PMFBP1: variants seen among roughly 807,000 people sequenced by gnomAD.
PMFBP1 encodes polyamine modulated factor 1 binding protein 1, also known as polyamine-modulated factor 1-binding protein 1.
A neutral mutation model predicts 137.8 loss-of-function variants in PMFBP1; 131 were observed. The ratio of observed to expected loss-of-function variants is 0.95; its 90% CI spans 0.82 to 1.10. The LOEUF (loss-of-function observed/expected upper bound fraction) is 1.10. Among genes scored for constraint, PMFBP1 ranks in the 50% least tolerant of loss-of-function variants. PMFBP1 has a pLI of 0.00. For missense variants in PMFBP1, 1,199 were observed against 1,175.4 expected (o/e 1.02, Z -0.29); for synonymous variants, 490 against 450.4 (o/e 1.09, Z -1.11).
the PMFBP1 span, among the ~76,000 whole-genome samples, chr16:72,233,621 G>C: frequency 6.6e-6 from 1 of 152,070 alleles, no homozygotes; most frequent in Non-Finnish European, 1.5e-5. Flanking sequence ...ACAATTCAAT[G>C]ATTTGTGGTA....
chr16:72,119,211 A>C lies in PMFBP1; in HGVS notation c.*127T>G. On this transcript the variant is annotated 3_prime_UTR_variant, in exon 21 of 21. Transcript: ENST00000237353. ...AACTCAACAAAAGTTAGTGTCTTGC[A>C]AAATAGGCTGGGACCGTGATATACT... 8.8e-7 allele frequency: 1 copy of C among 1,132,980 alleles called. No individual in the cohort carries two copies. Among genetic ancestry groups the C allele is most frequent in the South Asian group, 1.4e-5 (1 of 74,028 alleles). The allele number at this position is 1,132,980 out of a possible 1,614,324, so 70.2% of individuals were successfully genotyped here.
chr16:72,218,413 C>T, the PMFBP1 span, among the ~76,000 whole-genome samples: 1 of 151,992 alleles, frequency 6.6e-6, no homozygotes, highest in African/African-American at 2.4e-5. Context: ...CTGCAACCTC[C>T]ACTCCCTGGG....
chr16:72,122,688 A>C (rs1459349064), intron 19 of PMFBP1, among the ~76,000 whole-genome samples: 1 of 152,226 alleles, frequency 6.6e-6, no homozygotes, highest in East Asian at 1.9e-4. Flanking sequence ...GAGCAAAAAG[A>C]CTACTAAACT....
the PMFBP1 span, among the ~76,000 whole-genome samples, chr16:72,196,147 A>G: frequency 1.3e-5 from 2 of 152,164 alleles, no homozygotes; most frequent in Non-Finnish European, 2.9e-5. Flanking sequence ...TCCACCTTAC[A>G]TGAATGCTCT....
intron 2 of PMFBP1, among the ~76,000 whole-genome samples, chr16:72,167,172 G>T (rs981331791): frequency 1.3e-5 from 2 of 152,332 alleles, no homozygotes; most frequent in Non-Finnish European, 2.9e-5. Flanking sequence ...GGCCGAGGGG[G>T]GCCGGAGGAC....
At chr16:72,209,969 G>T in the PMFBP1 span, among the ~76,000 whole-genome samples, 2 of 152,192 alleles carry the variant, frequency 1.3e-5, no homozygotes, top group African/African-American at 4.8e-5. Flanking sequence ...ACTGGCTCTG[G>T]TCCTTCCATT....
chr16:72,207,133 A>T, the PMFBP1 span, among the ~76,000 whole-genome samples: 1 of 152,152 alleles, frequency 6.6e-6, no homozygotes, highest in Non-Finnish European at 1.5e-5. Context: ...GACAGATGGG[A>T]TGAACTAATG....
At chr16:72,187,767 G>GT in the PMFBP1 span, among the ~76,000 whole-genome samples, 1 of 152,214 alleles carries the variant, frequency 6.6e-6, no homozygotes, top group East Asian at 1.9e-4. Flanking sequence ...GAAATTGGCT[G>GT]TTAATAGAGT....
At chr16:72,144,609 A>G (rs2042776831) in intron 5 of PMFBP1, among the ~76,000 whole-genome samples, 1 of 152,198 alleles carries the variant, frequency 6.6e-6, no homozygotes, top group Non-Finnish European at 1.5e-5. Context: ...TATAAAATAT[A>G]TATTCCAGAT....
chr16:72,123,628 A>G lies in PMFBP1; in HGVS notation c.2611T>C (p.Ser871Pro). 6.2e-7 allele frequency: 1 copy of G among 1,613,926 alleles called. No individual in the cohort carries two copies. Among genetic ancestry groups the G allele is most frequent in the Non-Finnish European group, 8.5e-7 (1 of 1,179,864 alleles). The stretch of plus-strand genomic sequence containing the variant: ...AGCCTACAGGTGTCTTTGGGCACAG[A>G]CCACTGGGGCAGGCAGCAGGGCTTG... ...DKEPCCLPQW[S>P]VPKDTCRLYR... The change falls in exon 18 of 21, where the codon TCT becomes CCT. Residue 871 changes from serine (S) to proline (P), a missense_variant. Coordinates refer to ENST00000237353, the MANE Select transcript of PMFBP1 (RefSeq NM_031293.3).
chr16:72,163,786 T>A (rs1462374658), intron 3 of PMFBP1, among the ~76,000 whole-genome samples: 7 of 152,164 alleles, frequency 4.6e-5, no homozygotes, highest in African/African-American at 9.7e-5. Context: ...CTGGATGGAA[T>A]TGGAGACTAT....
the PMFBP1 span, among the ~76,000 whole-genome samples, chr16:72,221,233 T>C: frequency 8.5e-5 from 13 of 152,318 alleles, no homozygotes; most frequent in Non-Finnish European, 1.5e-4. Flanking sequence ...CTTTAAAATA[T>C]GCAAAATTAG....
chr16:72,136,763 G>A lies in PMFBP1; in HGVS notation c.975C>T (p.Tyr325=). 6.2e-7 allele frequency: 1 copy of A among 1,614,068 alleles called. No homozygotes were observed. The highest frequency in any genetic ancestry group is 8.5e-7 in the Non-Finnish European group (1 of 1,180,012). The change falls in exon 8 of 21, where the codon TAC becomes TAT. Residue 325 remains tyrosine, a synonymous_variant. Coordinates refer to ENST00000237353, the MANE Select transcript of PMFBP1 (RefSeq NM_031293.3). The part of the protein sequence containing the change: ...KDSQCLHVEE[Y]QNLVKDLRVE... The stretch of plus-strand genomic sequence containing the variant: ...CGCGCAGATCCTTCACCAGGTTCTG[G>A]TACTCCTCCACATGCAGGCACTGGC...
At position 72,164,745 on chromosome 16, in the gene PMFBP1, C is replaced by T. The variant is rs1326435691; in HGVS notation, c.165+19G>A. The T allele has an allele frequency of 6.4e-7, 1 of 1,573,878 alleles. No homozygotes were observed. The highest frequency in any genetic ancestry group is 2.3e-5 in the East Asian group (1 of 44,158). On this transcript the variant is annotated intron_variant, in intron 3 of 20. Transcript: ENST00000237353. The stretch of plus-strand genomic sequence containing the variant: ...AAGTCAAGAGAGCAGGGGTGAGCGG[C>T]TGCTGCCAAGTCCCTTACGTGGCTG...
chr16:72,133,948 C>G (rs989620837), intron 9 of PMFBP1, among the ~76,000 whole-genome samples: 2 of 152,066 alleles, frequency 1.3e-5, no homozygotes, highest in Non-Finnish European at 2.9e-5. Context: ...GAAACACCAT[C>G]TCTACTAAAA....
At position 72,171,225 on chromosome 16, in the gene PMFBP1, A is replaced by G; in HGVS notation, c.-17T>C. Reference sequence around the variant, plus strand: ...ATCTTTCATTTCCTTGGCAGCTCTCAATTCTCCTTTAACCTTTAGTATTTT... The same window carrying G: ...ATCTTTCATTTCCTTGGCAGCTCTCGATTCTCCTTTAACCTTTAGTATTTT... On this transcript the variant is annotated 5_prime_UTR_variant, in exon 2 of 21. Transcript: ENST00000237353. 1 of 1,613,706 alleles carries G rather than the reference A, an allele frequency of 6.2e-7. No homozygotes were observed. The highest frequency in any genetic ancestry group is 8.5e-7 in the Non-Finnish European group (1 of 1,179,716).
chr16:72,247,137 G>A, the PMFBP1 span, among the ~76,000 whole-genome samples: 1 of 152,194 alleles, frequency 6.6e-6, no homozygotes, highest in Non-Finnish European at 1.5e-5. Flanking sequence ...CAGTAATTTA[G>A]TTAACTGAAT....
In PMFBP1 at chr16:72,126,103, G is replaced by A; in HGVS notation, c.2118C>T (p.Ser706=). The A allele has an allele frequency of 6.2e-7, 1 of 1,614,168 alleles. No individual in the cohort carries two copies. Among genetic ancestry groups the A allele is most frequent in the South Asian group, 1.1e-5 (1 of 91,076 alleles). The change falls in exon 15 of 21, where the codon AGC becomes AGT. Residue 706 remains serine (S), a synonymous_variant. Transcript: ENST00000237353. ...GAGCTTTGTCCAGCTGGGCCTGCAG[G>A]CTCATTAAGGACTCCTTCTGAAGGG... ...EIALQKESLM[S]LQAQLDKALQ... is the part of the protein sequence containing the mutation.
the PMFBP1 span, among the ~76,000 whole-genome samples, chr16:72,245,069 A>G: frequency 6.6e-6 from 1 of 152,126 alleles, no homozygotes; most frequent in African/African-American, 2.4e-5. Flanking sequence ...GGGGGCAGTC[A>G]ATTCCTCAGA....
Sources: allele counts gnomAD v4.1 joint callset (sites outside exome capture counted in the v4.1 genomes callset), GRCh38; gene constraint gnomAD v4.1.1; transcripts MANE v1.5; gene names NCBI Gene and HGNC (gene_info 2026-07-23, HGNC 2026-07-21).